NFIA: variants seen among roughly 807,000 people sequenced by gnomAD.
The protein encoded by NFIA is nuclear factor 1 A-type.
NFIA carries 8 observed loss-of-function variants against 62.8 expected under a neutral mutation model. The observed-to-expected ratio is 0.13, with a 90% confidence interval of 0.07 to 0.23. The LOEUF (loss-of-function observed/expected upper bound fraction) is 0.23, where lower values mean the gene tolerates loss of function less well. Ranked by LOEUF, NFIA falls within the 10% of genes least tolerant of loss-of-function variation. The pLI, the probability that NFIA is intolerant of heterozygous loss-of-function variation, is 1.00. For missense variants in NFIA, 410 were observed against 642.1 expected (o/e 0.64, Z 3.91); for synonymous variants, 235 against 238.1 (o/e 0.99, Z 0.12).
intron 6 of NFIA, among the ~76,000 whole-genome samples, chr1:61,361,401 A>G (rs1663283568): frequency 6.6e-6 from 1 of 152,212 alleles, no homozygotes; most frequent in African/African-American, 2.4e-5. Context: ...TCAAAGGCTA[A>G]TTAGAGCCCT....
At chr1:61,403,667 A>C (rs565572281) in intron 7 of NFIA, among the ~76,000 whole-genome samples, 3 of 152,340 alleles carry the variant, frequency 2.0e-5, no homozygotes, top group African/African-American at 7.2e-5. Context: ...GGGGTATAAG[A>C]GGTTTAACAA....
chr1:61,335,554 G>A (rs1661557370), intron 4 of NFIA, among the ~76,000 whole-genome samples: 1 of 152,130 alleles, frequency 6.6e-6, no homozygotes, highest in Non-Finnish European at 1.5e-5. Flanking sequence ...ATAGAAATAA[G>A]CTAACTGGCC....
chr1:61,381,069 A>G (rs572860757), intron 6 of NFIA, among the ~76,000 whole-genome samples: 1 of 151,868 alleles, frequency 6.6e-6, no homozygotes, highest in Admixed American at 6.6e-5. Context: ...ATTAGTTAGG[A>G]TACTGGATTT....
At chr1:61,193,779 T>C (rs1651807855) in intron 2 of NFIA, among the ~76,000 whole-genome samples, 1 of 152,226 alleles carries the variant, frequency 6.6e-6, no homozygotes, top group South Asian at 2.1e-4. Context: ...GACCACTTTT[T>C]CCTTTTAACA....
intron 2 of NFIA, among the ~76,000 whole-genome samples, chr1:61,222,165 A>C (rs1220392608): frequency 1.3e-5 from 2 of 152,130 alleles, no homozygotes; most frequent in Non-Finnish European, 2.9e-5. Flanking sequence ...TTTGTTATGG[A>C]GAAGTTTAAA....
chr1:61,359,286 G>A lies in NFIA; in HGVS notation c.946+12G>A, dbSNP rs770201324. On this transcript the variant is annotated intron_variant, in intron 6 of 10. Transcript: ENST00000403491. ...TGAAGTGGAGCCAGGTAAGCAGAGT[G>A]GCGGCACGGGCATGTGGCTAACACT... The A allele has an allele frequency of 1.2e-6, 2 of 1,612,060 alleles. No homozygotes were observed. The highest frequency in any genetic ancestry group is 1.7e-6 in the Non-Finnish European group (2 of 1,179,940).
chr1:61,265,472 G>A (rs886867168), intron 2 of NFIA, among the ~76,000 whole-genome samples: 3 of 152,126 alleles, frequency 2.0e-5, no homozygotes, highest in Non-Finnish European at 4.4e-5. Flanking sequence ...GTGAATTTCT[G>A]AAGAATCAGA....
intron 7 of NFIA, among the ~76,000 whole-genome samples, chr1:61,384,402 C>T (rs1664575487): frequency 6.6e-6 from 1 of 152,112 alleles, no homozygotes; most frequent in Non-Finnish European, 1.5e-5. Context: ...AGAAAGTAAG[C>T]ATTTTGACCA....
intron 2 of NFIA, among the ~76,000 whole-genome samples, chr1:61,247,611 A>G (rs549802317): frequency 1.9e-4 from 29 of 152,254 alleles, no homozygotes; most frequent in African/African-American, 6.7e-4. Flanking sequence ...AGAAAGTAGC[A>G]TTATGTGTGA....
intron 2 of NFIA, among the ~76,000 whole-genome samples, chr1:61,231,859 CAA>C (rs1360962900): frequency 6.8e-6 from 1 of 147,538 alleles, no homozygotes; most frequent in African/African-American, 2.5e-5. Context: ...AACAAACAAA[CAA>C]ACAACAACAA....
At chr1:61,120,061 G>C (rs1048070609) in intron 2 of NFIA, among the ~76,000 whole-genome samples, 2 of 152,082 alleles carry the variant, frequency 1.3e-5, no homozygotes, top group African/African-American at 4.8e-5. Context: ...CAAGGTAAAG[G>C]GATTCATTCC....
At chr1:61,151,718 A>G (rs1648427376) in intron 2 of NFIA, among the ~76,000 whole-genome samples, 3 of 152,174 alleles carry the variant, frequency 2.0e-5, no homozygotes, top group Admixed American at 2.0e-4. Flanking sequence ...ACCGAGAGAC[A>G]CACATAGTAC....
At chr1:61,306,566 A>G (rs1280545859) in intron 3 of NFIA, among the ~76,000 whole-genome samples, 1 of 152,136 alleles carries the variant, frequency 6.6e-6, no homozygotes, top group Non-Finnish European at 1.5e-5. Context: ...CTCAAATAGC[A>G]GCTGTAGGAT....
intron 7 of NFIA, among the ~76,000 whole-genome samples, chr1:61,399,813 T>G (rs540902507): frequency 1.1e-4 from 16 of 152,306 alleles, no homozygotes; most frequent in Non-Finnish European, 2.9e-5. Context: ...AGCACTCTTA[T>G]GTGTCTACAA....
chr1:61,418,550 A>G lies in NFIA; in HGVS notation c.1421-7915A>G, dbSNP rs151177368. Among the ~76,000 whole-genome samples the G allele has an allele frequency of 7.5e-3, 1,148 of 152,276 alleles. 10 individuals carry two copies. Among genetic ancestry groups the G allele is most frequent in the African/African-American group, 0.026 (1,068 of 41,562 alleles). ...CCAGTCATTTTCTGTGCATATTTTA[A>G]TCATAATTGATCATGATATATGTGT... On this transcript the variant is annotated intron_variant, in intron 9 of 10. Transcript: ENST00000403491.
chr1:61,083,240 G>C (rs1003514388), intron 1 of NFIA, among the ~76,000 whole-genome samples: 1 of 151,990 alleles, frequency 6.6e-6, no homozygotes, highest in Non-Finnish European at 1.5e-5. Context: ...CCGTAGTGCC[G>C]CAGCGCCCGG....
chr1:61,312,159 G>A (rs554824248), intron 3 of NFIA, among the ~76,000 whole-genome samples: 2 of 152,318 alleles, frequency 1.3e-5, no homozygotes, highest in East Asian at 3.9e-4. Flanking sequence ...GTAATGATAA[G>A]CCTGCCTATG....
chr1:61,182,025 T>G (rs987319851), intron 2 of NFIA, among the ~76,000 whole-genome samples: 4 of 152,202 alleles, frequency 2.6e-5, no homozygotes, highest in Non-Finnish European at 4.4e-5. Flanking sequence ...CTCCTTGGTT[T>G]TAGGTTACAG....
chr1:61,327,537 T>G (rs966032951), intron 3 of NFIA, among the ~76,000 whole-genome samples: 4 of 152,184 alleles, frequency 2.6e-5, no homozygotes, highest in African/African-American at 9.7e-5. Flanking sequence ...CCTGAGTTAC[T>G]TCACTTAGAA....
Sources: gnomAD v4.1 joint callset for allele counts (sites outside exome capture counted in the v4.1 genomes callset) on GRCh38, gnomAD v4.1.1 for gene constraint, MANE v1.5 for transcripts, NCBI Gene and HGNC (gene_info 2026-07-23, HGNC 2026-07-21) for gene names.